The following CRTC1 variants were observed in gnomAD, a reference collection of about 807,000 sequenced individuals.
CRTC1 encodes the protein CREB-regulated transcription coactivator 1.
CRTC1 carries 18 observed loss-of-function variants against 66.1 expected under a neutral mutation model. The observed-to-expected ratio is 0.27, with a 90% CI of 0.19 to 0.40. The LOEUF is 0.40. Ranked by LOEUF, CRTC1 falls within the 10% of genes least tolerant of loss-of-function variation. The pLI is 1.00. For missense variants in CRTC1, 669 were observed against 887.9 expected (o/e 0.75, Z 3.13); for synonymous variants, 416 against 398.8 (o/e 1.04, Z -0.51).
At chr19:18,751,142 A>G (rs561992141) in intron 5 of CRTC1, among the ~76,000 whole-genome samples, 94 of 152,282 alleles carry the variant, frequency 6.2e-4, no homozygotes, top group African/African-American at 2.2e-3. Context: ...GGCTTTCAAC[A>G]AGGAAGGGGT....
At chr19:18,712,072 C>G (rs534165167) in intron 1 of CRTC1, among the ~76,000 whole-genome samples, 1 of 152,110 alleles carries the variant, frequency 6.6e-6, no homozygotes, top group African/African-American at 2.4e-5. Flanking sequence ...TCCCAAGTAG[C>G]TGGGATTACA....
At chr19:18,710,786 A>G (rs1008867859) in intron 1 of CRTC1, among the ~76,000 whole-genome samples, 2 of 151,768 alleles carry the variant, frequency 1.3e-5, no homozygotes, top group Admixed American at 1.3e-4. Flanking sequence ...TAATTTTTGT[A>G]TTTTAGTAGA....
intron 1 of CRTC1, among the ~76,000 whole-genome samples, chr19:18,688,373 T>A (rs1014832387): frequency 2.6e-5 from 4 of 152,110 alleles, no homozygotes; most frequent in African/African-American, 9.7e-5. Context: ...CAGGTGAGGC[T>A]GCAAGAGCTT....
chr19:18,687,463 C>T (rs2052711545), intron 1 of CRTC1, among the ~76,000 whole-genome samples: 1 of 152,160 alleles, frequency 6.6e-6, no homozygotes, highest in Admixed American at 6.5e-5. Flanking sequence ...CCAGGGTGGG[C>T]AAGCTTATTC....
chr19:18,684,625 G>A (rs779266159), intron 1 of CRTC1, among the ~76,000 whole-genome samples: 1 of 152,152 alleles, frequency 6.6e-6, no homozygotes, highest in African/African-American at 2.4e-5. Context: ...TATGGTGGGG[G>A]CCAGGTGATG....
intron 10 of CRTC1, among the ~76,000 whole-genome samples, chr19:18,769,259 G>A (rs921008771): frequency 2.6e-5 from 4 of 152,250 alleles, no homozygotes; most frequent in African/African-American, 9.6e-5. Flanking sequence ...GGGGGCTGCA[G>A]CTCAGACCAT....
intron 1 of CRTC1, among the ~76,000 whole-genome samples, chr19:18,714,314 C>CT (rs915488107): frequency 1.9e-3 from 278 of 148,002 alleles, no homozygotes; most frequent in African/African-American, 3.1e-3. Flanking sequence ...AACTAACACT[C>CT]TTTTTTTTTT....
Position 18,775,637 on chromosome 19 carries a change from C to G in CRTC1, c.1513-4C>G, listed in dbSNP as rs2054970280. On this transcript the variant is annotated splice_region_variant and splice_polypyrimidine_tract_variant and intron_variant, in intron 12 of 13. Transcript: ENST00000321949. ...CTCACAGCCTGGTGTGCCTCCCTTC[C>G]CAGCTGGAGCAGTTCAACATGATGG... The G allele has an allele frequency of 1.1e-5, 17 of 1,569,528 alleles. No individual in the cohort carries two copies. The highest frequency in any genetic ancestry group is 1.5e-5 in the Non-Finnish European group (17 of 1,155,868).
chr19:18,741,799 G>A lies in CRTC1; in HGVS notation c.127-1111G>A, dbSNP rs2054116474. Among the ~76,000 whole-genome samples the A allele has an allele frequency of 6.6e-6, 1 of 152,218 alleles. No individual in the cohort carries two copies. Among genetic ancestry groups the A allele is most frequent in the African/African-American group, 2.4e-5 (1 of 41,470 alleles). The stretch of plus-strand genomic sequence containing the variant: ...CCACTTCAGCTCACAGGAAACAGCT[G>A]TTTACCTGGGCGAGGTGCTCAGCCG... On this transcript the variant is annotated intron_variant, in intron 1 of 13. Coordinates refer to ENST00000321949, the MANE Select transcript of CRTC1 (RefSeq NM_015321.3). The surrounding 1 kb of genome is among the most constrained non-coding windows in gnomAD (Gnocchi z 4.2).
At chr19:18,767,758 C>G (rs1433524364) in intron 9 of CRTC1, among the ~76,000 whole-genome samples, 1 of 152,212 alleles carries the variant, frequency 6.6e-6, no homozygotes, top group African/African-American at 2.4e-5. Context: ...TTCCCTCTAT[C>G]TGGAAACTCC....
chr19:18,748,021 G>A (rs1449799046), intron 4 of CRTC1, among the ~76,000 whole-genome samples: 1 of 152,144 alleles, frequency 6.6e-6, no homozygotes, highest in Admixed American at 6.6e-5. Flanking sequence ...AGGCTGCAGT[G>A]AGCTGTAATC....
At chr19:18,713,378 G>A (rs1430572244) in intron 1 of CRTC1, among the ~76,000 whole-genome samples, 1 of 152,242 alleles carries the variant, frequency 6.6e-6, no homozygotes, top group African/African-American at 2.4e-5. Context: ...TGTGGACACT[G>A]TCTTCAGTTC....
At chr19:18,756,197 G>T (rs979996186) in intron 6 of CRTC1, among the ~76,000 whole-genome samples, 1 of 152,046 alleles carries the variant, frequency 6.6e-6, no homozygotes, top group Non-Finnish European at 1.5e-5. Flanking sequence ...GCCAGGTGTG[G>T]TGGCACTTGC....
chr19:18,747,066 C>G lies in CRTC1; in HGVS notation c.395C>G (p.Pro132Arg). Residue 132 changes from proline to arginine, a missense_variant, in exon 4 of 14, where the codon CCC becomes CGC. This residue lies in a region of CRTC1 where 214 missense variants were observed against 323.4 expected (regional missense o/e 0.66). Coordinates refer to ENST00000321949, the MANE Select transcript of CRTC1 (RefSeq NM_015321.3). ...DKHGRQADSC[P>R]YGTMYLSPPA... ...AACTCACCTCACGCCGACAGCTGCC[C>G]CTATGGCACCATGTACCTCTCACCA... is the stretch of plus-strand genomic sequence containing the variant. The G allele has an allele frequency of 6.2e-7, 1 of 1,613,320 alleles. No individual in the cohort carries two copies. The highest frequency in any genetic ancestry group is 1.7e-4 in the Middle Eastern group (1 of 6,050).
chr19:18,750,007 G>A (rs1205183630), intron 5 of CRTC1, 132 bp downstream of exon 5: 11 of 724,334 alleles, frequency 1.5e-5, no homozygotes, highest in South Asian at 5.0e-5. Context: ...CTGAGGGATC[G>A]GGGGAGGGGA....
chr19:18,699,593 G>A (rs1382336908), intron 1 of CRTC1, among the ~76,000 whole-genome samples: 7 of 152,290 alleles, frequency 4.6e-5, no homozygotes, highest in East Asian at 3.9e-4. Flanking sequence ...AGCTGGCCCC[G>A]GAGACACCTT....
rs2054154062 is a variant in CRTC1, at chr19:18,743,407, C to A, written c.243+381C>A. On this transcript the variant is annotated intron_variant, in intron 2 of 13. Coordinates refer to ENST00000321949, the MANE Select transcript of CRTC1 (RefSeq NM_015321.3). Reference sequence around the variant, plus strand: ...GGCCCGGCGGCCTGACCCCACTTGTCTGCAAACGTTTCTTGGCAGAGGCCC... The same window carrying A: ...GGCCCGGCGGCCTGACCCCACTTGTATGCAAACGTTTCTTGGCAGAGGCCC... Among the ~76,000 whole-genome samples the A allele has an allele frequency of 2.6e-5, 4 of 152,264 alleles. No homozygotes were observed. In the South Asian group the frequency reaches 8.3e-4, roughly 31 times the overall value.
chr19:18,705,366 G>A (rs1487625344), intron 1 of CRTC1, among the ~76,000 whole-genome samples: 2 of 152,180 alleles, frequency 1.3e-5, no homozygotes, highest in Admixed American at 1.3e-4. Context: ...TACCACCCAT[G>A]CTGGAGTGCA....
At chr19:18,750,340 G>A (rs184472879) in intron 5 of CRTC1, among the ~76,000 whole-genome samples, 1 of 152,150 alleles carries the variant, frequency 6.6e-6, no homozygotes, top group Non-Finnish European at 1.5e-5. Context: ...CCCTGGGCCC[G>A]TCCTAGCTAT....
Sources: gnomAD v4.1 joint callset for allele counts (sites outside exome capture counted in the v4.1 genomes callset) on GRCh38, gnomAD v4.1.1 for gene constraint, gnomAD v4.1.1 regional missense constraint, Gnocchi (gnomAD v3.1) non-coding constraint, MANE v1.5 for transcripts, NCBI Gene and HGNC (gene_info 2026-07-23, HGNC 2026-07-21) for gene names.